Variants in LARP4B observed in about 807,000 individuals in gnomAD.
LARP4B encodes La ribonucleoprotein 4B.
Under a neutral mutation model 89.8 loss-of-function variants are expected in LARP4B, and 12 were observed. That is an observed-to-expected ratio of 0.13 (90% CI 0.09 to 0.22). The LOEUF (loss-of-function observed/expected upper bound fraction) is 0.22, where lower values mean the gene tolerates loss of function less well. LARP4B is among the 10% of genes least tolerant of loss of function. LARP4B has a pLI of 1.00. For synonymous variants in LARP4B, 367 were observed against 363.3 expected (o/e 1.01, Z -0.12); for missense variants, 757 against 947.7 (o/e 0.80, Z 2.64).
Position 817,756 on chromosome 10 carries a change from G to C in LARP4B, c.1664C>G (p.Ser555Cys), listed in dbSNP as rs1228172775. The C allele has an allele frequency of 1.2e-6, 2 of 1,614,052 alleles. No homozygotes were observed. Among genetic ancestry groups the C allele is most frequent in the Non-Finnish European group, 1.7e-6 (2 of 1,180,040 alleles). ...TTTGGATGGTCCTATTATCAAGCTA[G>C]ATAGCCTGTTTTCAAACAAGTCCTC... ...KTEDLFENRL[S>C]SLIIGPSKER... The change falls in exon 15 of 18, where the codon TCT becomes TGT. Residue 555 changes from serine to cysteine, a missense_variant. Physicochemically the swap from Ser to Cys is moderately radical, Grantham distance 112 (BLOSUM62 -1). This residue lies in a region of LARP4B where 387 missense variants were observed against 423.6 expected (regional missense o/e 0.91). Coordinates refer to ENST00000316157, the MANE Select transcript of LARP4B (RefSeq NM_015155.3).
intron 6 of LARP4B, 53 bp downstream of exon 6, chr10:844,924 A>G: frequency 7.6e-7 from 1 of 1,322,778 alleles, no homozygotes; most frequent in South Asian, 1.2e-5. Flanking sequence ...TACTTTAACT[A>G]TTTGCACAAT....
At chr10:949,796 A>G in the LARP4B span, among the ~76,000 whole-genome samples, 1 of 151,988 alleles carries the variant, frequency 6.6e-6, no homozygotes, top group Non-Finnish European at 1.5e-5. Flanking sequence ...TGATTTTTCT[A>G]ACTGGACTGC....
chr10:885,780 T>G lies in LARP4B; in HGVS notation c.-39-20A>C. The G allele has an allele frequency of 7.7e-7, 1 of 1,293,672 alleles. No homozygotes were observed. The allele number at this position is 1,293,672 out of a possible 1,614,324, so 80.1% of individuals were successfully genotyped here. ...AGGATGCTGTAAAATGGCAAAGACATTAAACAGGTCATTTGAAGGGCACAG... is the reference window on the plus strand; with the variant it reads ...AGGATGCTGTAAAATGGCAAAGACAGTAAACAGGTCATTTGAAGGGCACAG... On this transcript the variant is annotated intron_variant, in intron 1 of 17. Transcript: ENST00000316157.
intron 3 of LARP4B, chr10:873,144 T>C (rs1222848678): frequency 3.0e-6 from 3 of 985,274 alleles, no homozygotes; most frequent in African/African-American, 1.7e-5. Flanking sequence ...CAGCAGCCCA[T>C]GTTTGAGAGC....
At chr10:951,505 C>T in the LARP4B span, among the ~76,000 whole-genome samples, 4 of 152,194 alleles carry the variant, frequency 2.6e-5, no homozygotes, top group Admixed American at 2.6e-4. Context: ...GAGATCGCGC[C>T]ACTGCACTCC....
At chr10:919,604 G>A (rs923901699) in intron 1 of LARP4B, among the ~76,000 whole-genome samples, 8 of 152,196 alleles carry the variant, frequency 5.3e-5, no homozygotes, top group Non-Finnish European at 1.0e-4. Context: ...GTAAGATAGT[G>A]TGAAAGATCC....
At chr10:843,901 T>C (rs1833650303) in intron 6 of LARP4B, among the ~76,000 whole-genome samples, 1 of 152,164 alleles carries the variant, frequency 6.6e-6, no homozygotes, top group South Asian at 2.1e-4. Context: ...ACCCACAAAA[T>C]CCAAAGGTGA....
intron 1 of LARP4B, among the ~76,000 whole-genome samples, chr10:886,704 C>T (rs561103201): frequency 6.6e-6 from 1 of 152,310 alleles, no homozygotes; most frequent in South Asian, 2.1e-4. Context: ...CCAAGTGAAA[C>T]ACACCAGCAC....
At chr10:945,664 G>A in the LARP4B span, among the ~76,000 whole-genome samples, 2 of 150,742 alleles carry the variant, frequency 1.3e-5, no homozygotes, top group African/African-American at 2.4e-5. Flanking sequence ...CTCCAGCCTG[G>A]GCAACAGAGC....
Position 820,109 on chromosome 10 carries a change from G to A in LARP4B, c.1530+691C>T, listed in dbSNP as rs535699280. The A allele has an allele frequency of 4.6e-5, 7 of 151,144 alleles. No individual in the cohort carries two copies. The South Asian group carries it at 6.3e-4, about 14-fold the overall frequency. The allele number at this position is 151,144 out of a possible 1,614,324, so 9.4% of individuals were successfully genotyped here. The stretch of plus-strand genomic sequence containing the variant: ...TTCATGGGTACTGCTAACTGCCACC[G>A]TGCCATCCCTCCCATCTTTGTGGGT... On this transcript the variant is annotated intron_variant, in intron 14 of 17. Coordinates refer to ENST00000316157, the MANE Select transcript of LARP4B (RefSeq NM_015155.3).
At chr10:950,709 T>C in the LARP4B span, among the ~76,000 whole-genome samples, 9 of 152,228 alleles carry the variant, frequency 5.9e-5, no homozygotes, top group South Asian at 2.1e-4. Context: ...ATAGATCCTG[T>C]ACATGTCTTA....
At chr10:913,934 TA>T (rs2132028553) in intron 1 of LARP4B, among the ~76,000 whole-genome samples, 1 of 152,174 alleles carries the variant, frequency 6.6e-6, no homozygotes, top group East Asian at 1.9e-4. Flanking sequence ...TAACGAAGAA[TA>T]AATTAGATGA....
chr10:886,599 T>C (rs992926154), intron 1 of LARP4B, among the ~76,000 whole-genome samples: 1 of 152,168 alleles, frequency 6.6e-6, no homozygotes, highest in Non-Finnish European at 1.5e-5. Flanking sequence ...TGTGTATCTG[T>C]CTGTCTATGC....
intron 8 of LARP4B, 86 bp from the exon 9 acceptor site, chr10:831,063 C>T (rs752106614): frequency 2.4e-4 from 142 of 584,512 alleles, no homozygotes; most frequent in Middle Eastern, 4.5e-4. Context: ...AATGCATTCT[C>T]TTAAGGAACT....
At chr10:890,057 T>G (rs892132636) in intron 1 of LARP4B, among the ~76,000 whole-genome samples, 17 of 152,228 alleles carry the variant, frequency 1.1e-4, no homozygotes, top group African/African-American at 3.6e-4. Flanking sequence ...CCAAACAAGA[T>G]AAATATTGTT....
rs74116961 is a variant in LARP4B at position 906,286 on chromosome 10, T to C, written c.-39-20526A>G. Among the ~76,000 whole-genome samples the C allele has an allele frequency of 9.8e-3, 1,490 of 152,340 alleles. 36 individuals carry two copies. Among genetic ancestry groups the C allele is most frequent in the African/African-American group, 0.033 (1,385 of 41,566 alleles). On this transcript the variant is annotated intron_variant, in intron 1 of 17. Coordinates refer to ENST00000316157, the MANE Select transcript of LARP4B (RefSeq NM_015155.3). ...TAATTCATCAGCAGTTTCTCTGTGA[T>C]TTGTTTTTGAGATACTCCAAAGTTT...
intron 8 of LARP4B, 58 bp from the exon 9 acceptor site, chr10:831,035 C>T: frequency 1.4e-6 from 1 of 722,386 alleles, no homozygotes; most frequent in South Asian, 1.7e-5. Context: ...TTTGTCCTCA[C>T]CAAAAATTTT....
At chr10:875,574 G>A (rs188578692) in intron 3 of LARP4B, among the ~76,000 whole-genome samples, 3 of 152,338 alleles carry the variant, frequency 2.0e-5, no homozygotes, top group Admixed American at 6.5e-5. Context: ...CTGAGATGGG[G>A]CAATTTATAA....
At chr10:832,434 G>A (rs1832958145) in intron 8 of LARP4B, among the ~76,000 whole-genome samples, 1 of 152,182 alleles carries the variant, frequency 6.6e-6, no homozygotes, top group Non-Finnish European at 1.5e-5. Context: ...ATTAACAGCT[G>A]ACTAGACACT....
Sources: allele counts gnomAD v4.1 joint callset (sites outside exome capture counted in the v4.1 genomes callset), GRCh38; gene constraint gnomAD v4.1.1; regional missense constraint gnomAD v4.1.1; transcripts MANE v1.5; gene names NCBI Gene and HGNC (gene_info 2026-07-23, HGNC 2026-07-21).